The following OPCML variants were observed in gnomAD, a reference collection of about 807,000 sequenced individuals.
OPCML encodes the protein opioid-binding protein/cell adhesion molecule.
Under a neutral mutation model 37.8 loss-of-function variants are expected in OPCML, and 13 were observed. That is an observed-to-expected ratio of 0.34 (90% CI 0.22 to 0.55). The LOEUF is 0.55. OPCML is among the 20% of genes least tolerant of loss of function. OPCML has a pLI of 0.91. For missense variants in OPCML, 341 were observed against 435.6 expected, an observed-to-expected ratio of 0.78 and a Z score of 1.93; for synonymous variants, 176 against 168.8, an observed-to-expected ratio of 1.04 and a Z score of -0.33.
At chr11:132,488,066 C>T (rs2096205441) in intron 4 of OPCML, among the ~76,000 whole-genome samples, 1 of 152,224 alleles carries the variant, frequency 6.6e-6, no homozygotes, top group Admixed American at 6.5e-5. Flanking sequence ...GCATTTGATG[C>T]CTCAGCCACC....
chr11:133,058,273 C>G (rs1005120453), intron 1 of OPCML, among the ~76,000 whole-genome samples: 6 of 152,106 alleles, frequency 3.9e-5, no homozygotes, highest in African/African-American at 1.2e-4. Flanking sequence ...AGAGGTGACA[C>G]ATGACGTGGA....
chr11:132,695,183 C>T (rs920179427), intron 2 of OPCML, among the ~76,000 whole-genome samples: 1 of 150,892 alleles, frequency 6.6e-6, no homozygotes. Flanking sequence ...ATGAAAAATA[C>T]GGAGAGAGAG....
chr11:132,745,563 C>CAAA (rs10562857), intron 2 of OPCML, among the ~76,000 whole-genome samples: 28 of 102,968 alleles, frequency 2.7e-4, no homozygotes, highest in East Asian at 1.6e-3. Flanking sequence ...TGCTGTCTTG[C>CAAA]AAAAAAAAAA....
At chr11:133,264,863 G>A (rs1041963709) in intron 1 of OPCML, among the ~76,000 whole-genome samples, 5 of 152,156 alleles carry the variant, frequency 3.3e-5, no homozygotes, top group Non-Finnish European at 7.3e-5. Context: ...AGTACTTTCG[G>A]AGGGAGGGTT....
chr11:133,029,703 A>T (rs915417615), intron 1 of OPCML, among the ~76,000 whole-genome samples: 1 of 151,802 alleles, frequency 6.6e-6, no homozygotes, highest in Non-Finnish European at 1.5e-5. Context: ...GGAACAATAG[A>T]CTCTAGGGTT....
intron 2 of OPCML, among the ~76,000 whole-genome samples, chr11:132,692,476 C>G (rs540875694): frequency 6.6e-6 from 1 of 152,178 alleles, no homozygotes; most frequent in African/African-American, 2.4e-5. Flanking sequence ...GAGAACCTGA[C>G]TATATTGCTC....
chr11:132,923,755 A>ATTTTTTTTTT (rs71038509), intron 2 of OPCML, among the ~76,000 whole-genome samples: 4 of 92,094 alleles, frequency 4.3e-5, no homozygotes, highest in Non-Finnish European at 6.0e-5. Flanking sequence ...AGTTACTTGA[A>ATTTTTTTTTT]TTTTTTTTTT....
intron 1 of OPCML, among the ~76,000 whole-genome samples, chr11:132,978,594 A>G (rs1348645620): frequency 6.6e-6 from 1 of 152,186 alleles, no homozygotes; most frequent in East Asian, 1.9e-4. Context: ...CTACGAATAA[A>G]GGATATTTCT....
intron 1 of OPCML, among the ~76,000 whole-genome samples, chr11:133,256,991 T>C (rs531037001): frequency 6.6e-6 from 1 of 152,322 alleles, no homozygotes; most frequent in East Asian, 1.9e-4. Context: ...AATGCTCCGA[T>C]TTACAGTGTT....
At chr11:133,076,061 T>A (rs1229518395) in intron 1 of OPCML, among the ~76,000 whole-genome samples, 1 of 152,348 alleles carries the variant, frequency 6.6e-6, no homozygotes, top group South Asian at 2.1e-4. Context: ...CGCTGTATGT[T>A]CTTCCATAAT....
intron 2 of OPCML, among the ~76,000 whole-genome samples, chr11:132,683,280 G>T (rs930096104): frequency 1.3e-5 from 2 of 152,138 alleles, no homozygotes; most frequent in African/African-American, 2.4e-5. Flanking sequence ...CATGCCTGTA[G>T]TCCCAGTTAC....
intron 2 of OPCML, among the ~76,000 whole-genome samples, chr11:132,687,634 GCTT>G (rs1943224745): frequency 6.6e-6 from 1 of 151,276 alleles, no homozygotes; most frequent in Non-Finnish European, 1.5e-5. Context: ...ATTTAAATGA[GCTT>G]CTTCCATCTT....
rs187095427 is a variant in OPCML at position 133,174,374 on chromosome 11, T to C, written c.62-231364A>G. Reference sequence around the variant, plus strand: ...ATTTCTAGTTTCTCAAAAGCCCCATTCCCTGTGCCTGGTAGTGAAATAAGG... The same window carrying C: ...ATTTCTAGTTTCTCAAAAGCCCCATCCCCTGTGCCTGGTAGTGAAATAAGG... On this transcript the variant is annotated intron_variant, in intron 1 of 7. Coordinates refer to ENST00000524381, the MANE Select transcript of OPCML (RefSeq NM_001012393.5). The surrounding 1 kb of genome is among the most constrained non-coding windows in gnomAD (Gnocchi z 4.6). Among the ~76,000 whole-genome samples the C allele has an allele frequency of 1.3e-5, 2 of 152,192 alleles. No individual in the cohort carries two copies. The highest frequency in any genetic ancestry group is 3.9e-4 in the East Asian group (2 of 5,160).
At chr11:132,944,606 C>T (rs916961610) in intron 1 of OPCML, among the ~76,000 whole-genome samples, 3 of 152,240 alleles carry the variant, frequency 2.0e-5, no homozygotes, top group Admixed American at 1.3e-4. Context: ...GGGAAAAACA[C>T]ACCAGATCCT....
intron 2 of OPCML, among the ~76,000 whole-genome samples, chr11:132,836,454 G>A (rs1941006559): frequency 6.6e-6 from 1 of 152,110 alleles, no homozygotes; most frequent in Non-Finnish European, 1.5e-5. Context: ...AGTTCAAAAT[G>A]TATATGATAT....
intron 2 of OPCML, among the ~76,000 whole-genome samples, chr11:132,685,264 A>G (rs1943116845): frequency 6.6e-6 from 1 of 152,134 alleles, no homozygotes; most frequent in East Asian, 1.9e-4. Flanking sequence ...TGTCTGTATG[A>G]TGTCAGTCTT....
At chr11:132,513,135 T>A (rs2137193492) in intron 4 of OPCML, among the ~76,000 whole-genome samples, 1 of 152,250 alleles carries the variant, frequency 6.6e-6, no homozygotes, top group South Asian at 2.1e-4. Flanking sequence ...GAACAATGGT[T>A]AGTGCTGCTT....
Position 132,415,176 on chromosome 11 carries a change from A to G in OPCML, c.*5017T>C, listed in dbSNP as rs1191961499. The G allele has an allele frequency of 8.4e-6, 1 of 118,362 alleles. No homozygotes were observed. The highest frequency in any genetic ancestry group is 7.8e-5 in the Admixed American group (1 of 12,764). 7.3% of individuals were successfully genotyped at this position (118,362 alleles called of 1,614,324 possible). A position where few individuals can be genotyped will look rare whatever the true frequency, so the allele number is the denominator to read the frequency against. ...AAAAAATACGAAAGAAAATAAAAGA[A>G]AAAAAGAACTCTAGAAGGCTGACAA... On this transcript the variant is annotated 3_prime_UTR_variant, in exon 8 of 8. Transcript: ENST00000524381.
At chr11:133,058,510 C>T (rs1948281014) in intron 1 of OPCML, among the ~76,000 whole-genome samples, 1 of 152,194 alleles carries the variant, frequency 6.6e-6, no homozygotes, top group Non-Finnish European at 1.5e-5. Flanking sequence ...ACCCACTCCT[C>T]AACCAGTTAG....
Sources: gnomAD v4.1 joint callset for allele counts (sites outside exome capture counted in the v4.1 genomes callset) on GRCh38, gnomAD v4.1.1 for gene constraint, Gnocchi (gnomAD v3.1) non-coding constraint, MANE v1.5 for transcripts, NCBI Gene and HGNC (gene_info 2026-07-23, HGNC 2026-07-21) for gene names.